Variants in BRDT observed in about 807,000 individuals in gnomAD.
The protein encoded by BRDT is bromodomain testis-specific protein.
A neutral mutation model predicts 113.9 loss-of-function variants in BRDT; 77 were observed. The ratio of observed to expected loss-of-function variants is 0.68; its 90% CI spans 0.56 to 0.82. BRDT has a LOEUF of 0.82. BRDT is among the 40% of genes least tolerant of loss of function. BRDT has a pLI of 0.00. For missense variants in BRDT, 1,027 were observed against 1,105.4 expected (o/e 0.93, Z 1.01); for synonymous variants, 358 against 366.5 (o/e 0.98, Z 0.26).
rs755221020 is a variant in BRDT at position 91,979,685 on chromosome 1, C to T, written c.1215C>T (p.Ala405=). The stretch of plus-strand genomic sequence containing the variant: ...CTGGTAGAGAGAACACTAATGAAGC[C>T]TCCTCTGAAGGGAACTCTTCTGATG... ...ETTGRENTNE[A]SSEGNSSDDS... is the part of the protein sequence containing the mutation. The change falls in exon 8 of 19, where the codon GCC becomes GCT. Residue 405 remains alanine (A), a synonymous_variant. Transcript: ENST00000399546. The T allele has an allele frequency of 1.5e-5, 24 of 1,614,032 alleles. No individual in the cohort carries two copies. Among genetic ancestry groups the T allele is most frequent in the East Asian group, 2.2e-5 (1 of 44,856 alleles).
chr1:92,013,217 C>A (rs56723539), intron 18 of BRDT, among the ~76,000 whole-genome samples: 609 of 133,618 alleles, frequency 4.6e-3, no homozygotes, highest in African/African-American at 6.8e-3. Context: ...CACAATGTTT[C>A]AAAAAAAAAA....
intron 12 of BRDT, among the ~76,000 whole-genome samples, chr1:91,988,472 T>C (rs1685467722): frequency 6.6e-6 from 1 of 151,830 alleles, no homozygotes; most frequent in Admixed American, 6.6e-5. Flanking sequence ...ACCATCTTGG[T>C]TCACTGAAAC....
chr1:91,970,771 T>G (rs984915379), intron 4 of BRDT, among the ~76,000 whole-genome samples: 4 of 151,972 alleles, frequency 2.6e-5, no homozygotes, highest in Non-Finnish European at 5.9e-5. Context: ...TTGCCAGGTA[T>G]AGTGGCATGC....
chr1:91,986,236 A>T (rs1222986973), intron 12 of BRDT, among the ~76,000 whole-genome samples: 1 of 152,208 alleles, frequency 6.6e-6, no homozygotes, highest in Non-Finnish European at 1.5e-5. Flanking sequence ...GAGTTTTCTA[A>T]TGCTCAACAA....
At position 91,976,410 on chromosome 1, in the gene BRDT, T is replaced by G. The variant is rs770329981; in HGVS notation, c.590T>G (p.Val197Gly). The G allele has an allele frequency of 1.3e-5, 21 of 1,594,496 alleles. No individual in the cohort carries two copies. In the East Asian group the frequency reaches 3.2e-4, roughly 24 times the overall value. The change falls in exon 5 of 19, where the codon GTC becomes GGC. Residue 197 changes from valine (V) to glycine (G), a missense_variant. Val to Gly is a moderately radical substitution (Grantham distance 109). Coordinates refer to ENST00000399546, the MANE Select transcript of BRDT (RefSeq NM_207189.4). ...SPLNVVQGAS[V>G]NSSSQTAAQV... ...TTGAACGTGGTACAGGGAGCTTCAG[T>G]CAACTCCAGTTCACAAACTGCGGCC...
intron 4 of BRDT, among the ~76,000 whole-genome samples, chr1:91,970,542 C>T (rs1365168870): frequency 1.3e-5 from 2 of 152,198 alleles, no homozygotes; most frequent in African/African-American, 2.4e-5. Flanking sequence ...GCTAGGATTA[C>T]AGGCGTGAGC....
At chr1:91,988,557 C>T (rs549945711) in intron 12 of BRDT, among the ~76,000 whole-genome samples, 7 of 152,144 alleles carry the variant, frequency 4.6e-5, no homozygotes, top group Non-Finnish European at 7.4e-5. Flanking sequence ...TGCACCACCA[C>T]GCCCAGCTAA....
intron 7 of BRDT, among the ~76,000 whole-genome samples, chr1:91,979,009 A>C (rs1341816634): frequency 1.5e-5 from 2 of 129,572 alleles, no homozygotes; most frequent in Non-Finnish European, 3.2e-5. Flanking sequence ...AAAAAAAAAA[A>C]AAAACAACAA....
chr1:91,985,866 C>T (rs1353008725), intron 12 of BRDT, among the ~76,000 whole-genome samples: 1 of 150,868 alleles, frequency 6.6e-6, no homozygotes, highest in Non-Finnish European at 1.5e-5. Flanking sequence ...TCTCGATCTC[C>T]TGACCTCGTG....
rs202202983 is a variant in BRDT, at chr1:91,964,695, T to C, written c.261T>C (p.Tyr87=). The change falls in exon 3 of 19, where the codon TAT becomes TAC. Residue 87 remains tyrosine (Y), a synonymous_variant. Coordinates refer to ENST00000399546, the MANE Select transcript of BRDT (RefSeq NM_207189.4). ...NTIKKRLENK[Y]YAKASECIED... ...TTAAGAAGCGCTTGGAGAATAAATATTATGCGAAGGCTTCAGAATGTATAG... is the reference window on the plus strand; with the variant it reads ...TTAAGAAGCGCTTGGAGAATAAATACTATGCGAAGGCTTCAGAATGTATAG... 181 of 1,524,018 alleles carry C rather than the reference T, an allele frequency of 1.2e-4. No individual in the cohort carries two copies. In the South Asian group the frequency reaches 2.1e-3, roughly 18 times the overall value. 94.4% of individuals were successfully genotyped at this position (1,524,018 alleles called of 1,614,324 possible).
At chr1:92,011,650 C>T (rs1687807760) in intron 18 of BRDT, among the ~76,000 whole-genome samples, 1 of 152,156 alleles carries the variant, frequency 6.6e-6, no homozygotes, top group Non-Finnish European at 1.5e-5. Flanking sequence ...GGCCCAACAA[C>T]ACAACTAGGT....
intron 3 of BRDT, 113 bp downstream of exon 3, chr1:91,964,877 A>ATG (rs1682888947): frequency 1.7e-6 from 1 of 600,226 alleles, no homozygotes; most frequent in South Asian, 4.8e-5. Context: ...GAGATACTTG[A>ATG]CGTGTGTGTG....
At chr1:91,987,568 C>T (rs1685369161) in intron 12 of BRDT, among the ~76,000 whole-genome samples, 1 of 151,920 alleles carries the variant, frequency 6.6e-6, no homozygotes, top group Non-Finnish European at 1.5e-5. Context: ...GAACACCTGA[C>T]CTCATGGTCT....
intron 11 of BRDT, 99 bp downstream of exon 11, chr1:91,981,480 T>G: frequency 6.6e-7 from 1 of 1,510,224 alleles, no homozygotes; most frequent in Non-Finnish European, 9.1e-7. Context: ...CCTGGCCTCA[T>G]GTGATCCTCC....
At position 91,968,220 on chromosome 1, in the gene BRDT, A is replaced by G. The variant is rs1411008973; in HGVS notation, c.405A>G (p.Gln135=). Residue 135 remains glutamine, a synonymous_variant, in exon 4 of 19, where the codon CAA becomes CAG. Transcript: ENST00000399546. Reference sequence around the variant, plus strand: ...TGCAGAAATTATCTCAGATGCCACAAGAAGAGCAAGTTGTGGGTGTTAAGG... The same window carrying G: ...TGCAGAAATTATCTCAGATGCCACAGGAAGAGCAAGTTGTGGGTGTTAAGG... ...LFMQKLSQMP[Q]EEQVVGVKER... 1.9e-6 allele frequency: 3 copies of G among 1,614,134 alleles called. No individual in the cohort carries two copies. Among genetic ancestry groups the G allele is most frequent in the Middle Eastern group, 1.6e-4 (1 of 6,062 alleles).
At chr1:91,996,846 G>T (rs1686387170) in intron 15 of BRDT, among the ~76,000 whole-genome samples, 1 of 152,188 alleles carries the variant, frequency 6.6e-6, no homozygotes, top group South Asian at 2.1e-4. Flanking sequence ...GAATATCTAA[G>T]TGGAAATATA....
At chr1:92,000,061 T>G (rs1686698807) in intron 15 of BRDT, among the ~76,000 whole-genome samples, 1 of 152,200 alleles carries the variant, frequency 6.6e-6, no homozygotes, top group Admixed American at 6.5e-5. Flanking sequence ...TTGTTTGTTT[T>G]GTTTGGTAGA....
intron 1 of BRDT, among the ~76,000 whole-genome samples, chr1:91,960,743 C>CTAA (rs1487799977): frequency 6.6e-6 from 1 of 152,270 alleles, no homozygotes; most frequent in East Asian, 1.9e-4. Context: ...GAGGTGAGAA[C>CTAA]TAATACTACT....
intron 12 of BRDT, among the ~76,000 whole-genome samples, chr1:91,990,782 T>C (rs933637478): frequency 6.6e-6 from 1 of 152,194 alleles, no homozygotes; most frequent in Non-Finnish European, 1.5e-5. Flanking sequence ...AAAGGGATTT[T>C]CTTGAAATCA....
Sources: allele counts gnomAD v4.1 joint callset (sites outside exome capture counted in the v4.1 genomes callset), GRCh38; gene constraint gnomAD v4.1.1; transcripts MANE v1.5; gene names NCBI Gene and HGNC (gene_info 2026-07-23, HGNC 2026-07-21).